PHF7: variants seen among roughly 807,000 people sequenced by gnomAD.
The protein encoded by PHF7 is E3 ubiquitin-protein ligase PHF7.
PHF7 carries 24 observed loss-of-function variants against 47.5 expected under a neutral mutation model. The observed-to-expected ratio is 0.51, with a 90% CI of 0.37 to 0.71. The LOEUF is 0.71. PHF7 is among the 30% of genes least tolerant of loss of function. The probability of loss-of-function intolerance (pLI) is 0.00; values close to 1 mark genes in which losing one functional copy is unlikely to be tolerated. For missense variants in PHF7, 361 were observed against 456.8 expected, an observed-to-expected ratio of 0.79 and a Z score of 1.91; for synonymous variants, 156 against 153.8, an observed-to-expected ratio of 1.01 and a Z score of -0.11.
intron 4 of PHF7, among the ~76,000 whole-genome samples, chr3:52,419,477 T>A (rs1163089049): frequency 2.6e-5 from 4 of 151,184 alleles, no homozygotes; most frequent in Non-Finnish European, 5.9e-5. Context: ...TGGCCCAGGC[T>A]GGAGTGCAGT....
intron 6 of PHF7, 64 bp from the exon 7 acceptor site, chr3:52,420,838 AG>A (rs1483019982): frequency 1.3e-6 from 2 of 1,489,270 alleles, no homozygotes; most frequent in Non-Finnish European, 1.8e-6. Flanking sequence ...TGCCCCTCCT[AG>A]AGCGGGCCAT....
Position 52,420,954 on chromosome 3 carries a change from G to A in PHF7, c.465G>A (p.Val155=). 2 of 1,613,270 alleles carry A rather than the reference G, an allele frequency of 1.2e-6. No homozygotes were observed. Among genetic ancestry groups the A allele is most frequent in the East Asian group, 2.2e-5 (1 of 44,844 alleles). The part of the protein sequence containing the change: ...RPTQNIQHGH[V]GEESCILCCE... The stretch of plus-strand genomic sequence containing the variant: ...CACAGAACATCCAACATGGGCATGT[G>A]GGGGAGGAAAGCTGCATCTTATGTT... Residue 155 remains valine (V), a synonymous_variant, in exon 7 of 11, where the codon GTG becomes GTA. Coordinates refer to ENST00000327906, the MANE Select transcript of PHF7 (RefSeq NM_016483.7).
chr3:52,419,672 C>T (rs1392857605), intron 4 of PHF7, among the ~76,000 whole-genome samples, 161 bp from the exon 5 acceptor site: 1 of 152,086 alleles, frequency 6.6e-6, no homozygotes, highest in Non-Finnish European at 1.5e-5. Context: ...ACCTCGTGAT[C>T]CGCCCGCCTC....
rs201539522 is a variant in PHF7 at position 52,423,087 on chromosome 3, C to CCA, written c.920-3_920-2dup. The CCA allele has an allele frequency of 5.7e-3, 9,082 of 1,600,238 alleles. 71 individuals are homozygous for CCA. Among genetic ancestry groups the CCA allele is most frequent in the South Asian group, 0.023 (2,131 of 90,814 alleles). The stretch of plus-strand genomic sequence containing the variant: ...GTTTTCCTCTCCTGCCTTTCTCTCA[C>CCA]CAGACTACATACCTGAAAACTCAGG... On this transcript the variant is annotated splice_region_variant and splice_polypyrimidine_tract_variant and intron_variant, in intron 10 of 10. Coordinates refer to ENST00000327906, the MANE Select transcript of PHF7 (RefSeq NM_016483.7).
intron 2 of PHF7, among the ~76,000 whole-genome samples, chr3:52,413,268 A>G (rs1705515675): frequency 6.6e-6 from 1 of 152,190 alleles, no homozygotes; most frequent in African/African-American, 2.4e-5. Flanking sequence ...GCTACTGTAG[A>G]TTAATTGAGC....
chr3:52,421,182 A>C (rs1559601985), intron 7 of PHF7, 120 bp downstream of exon 7: 2 of 878,792 alleles, frequency 2.3e-6, no homozygotes, highest in Admixed American at 2.8e-5. Context: ...GGAGGCCTGT[A>C]TTGAGGGCTG....
At chr3:52,414,718 C>A (rs1000004251) in intron 4 of PHF7, 131 bp downstream of exon 4, 9 of 510,690 alleles carry the variant, frequency 1.8e-5, no homozygotes, top group African/African-American at 4.1e-5. Flanking sequence ...GTTTTAAAAT[C>A]TATTTTTAGG....
chr3:52,420,571 A>T (rs949027041), intron 6 of PHF7, 136 bp downstream of exon 6: 4 of 867,120 alleles, frequency 4.6e-6, no homozygotes, highest in Non-Finnish European at 3.7e-6. Flanking sequence ...CAGTAATAAG[A>T]AACAGTGTCT....
chr3:52,422,608 C>T, intron 9 of PHF7, 152 bp from the exon 10 acceptor site: 3 of 818,088 alleles, frequency 3.7e-6, no homozygotes, highest in Non-Finnish European at 6.1e-6. Flanking sequence ...CGACTGATGG[C>T]AGGCTTCTGG....
chr3:52,414,478 G>T lies in PHF7; in HGVS notation c.95-18G>T. ...TAATGGTCAATTTGAGCCAAATTCT[G>T]GGTGTCCTCTCTTCCAGTTTGCTGG... On this transcript the variant is annotated intron_variant, in intron 3 of 10. Coordinates refer to ENST00000327906, the MANE Select transcript of PHF7 (RefSeq NM_016483.7). The T allele has an allele frequency of 6.7e-7, 1 of 1,489,358 alleles. No individual in the cohort carries two copies. The highest frequency in any genetic ancestry group is 1.1e-5 in the South Asian group (1 of 87,722). The allele number at this position is 1,489,358 out of a possible 1,614,324, so 92.3% of individuals were successfully genotyped here. A position where few individuals can be genotyped will look rare whatever the true frequency, so the allele number is the denominator to read the frequency against.
intron 6 of PHF7, 151 bp downstream of exon 6, chr3:52,420,586 T>C (rs1044737492): frequency 1.2e-6 from 1 of 813,266 alleles, no homozygotes; most frequent in African/African-American, 1.7e-5. Flanking sequence ...GTGTCTTGAC[T>C]TGGAGATTTC....
At chr3:52,412,784 C>T in intron 1 of PHF7, 27 bp from the exon 2 acceptor site, 1 of 1,034,172 alleles carries the variant, frequency 9.7e-7, no homozygotes, top group Non-Finnish European at 1.5e-6. Context: ...AATTAAATTG[C>T]TTACCAAACC....
chr3:52,414,912 C>T (rs1705576512), intron 4 of PHF7: 1 of 160,286 alleles, frequency 6.2e-6, no homozygotes, highest in African/African-American at 2.4e-5. Flanking sequence ...AAGAGGATCG[C>T]TTGAACCCTG....
rs1470152258 is a variant in PHF7, at chr3:52,414,023, C to T, written c.69C>T (p.Thr23=). 2 of 1,611,506 alleles carry T rather than the reference C, an allele frequency of 1.2e-6. No homozygotes were observed. Among genetic ancestry groups the T allele is most frequent in the South Asian group, 1.1e-5 (1 of 90,994 alleles). The change falls in exon 3 of 11, where the codon ACC becomes ACT. Residue 23 remains threonine (T), a synonymous_variant. Transcript: ENST00000327906. ...LRKSAKTRRV[T]QRKPSSGPVC... ...AATCTGCCAAGACTAGGAGGGTAAC[C>T]CAGAGGAAACCGTCTTCAGGGCCTG...
Position 52,420,282 on chromosome 3 carries a change from C to T in PHF7, c.289-29C>T, listed in dbSNP as rs746468069. The T allele has an allele frequency of 3.1e-6, 5 of 1,612,576 alleles. No individual in the cohort carries two copies. The East Asian group carries it at 1.1e-4, about 36-fold the overall frequency. ...GTGTGTGTTTGCATTTCTTGGGGTC[C>T]TGAGCACTGTCTGGGAACTCATTTG... On this transcript the variant is annotated intron_variant, in intron 5 of 10. Coordinates refer to ENST00000327906, the MANE Select transcript of PHF7 (RefSeq NM_016483.7).
At chr3:52,411,365 CT>C (rs1559595798) in intron 1 of PHF7, 118 bp downstream of exon 1, 1 of 152,364 alleles carries the variant, frequency 6.6e-6, no homozygotes, top group Non-Finnish European at 1.5e-5. Flanking sequence ...TCTCTCTCCT[CT>C]TCCAGCCTGT....
At chr3:52,419,474 G>T (rs1421055153) in intron 4 of PHF7, among the ~76,000 whole-genome samples, 1 of 148,400 alleles carries the variant, frequency 6.7e-6, no homozygotes, top group African/African-American at 2.5e-5. Flanking sequence ...CTGTGGCCCA[G>T]GCTGGAGTGC....
intron 6 of PHF7, 36 bp downstream of exon 6, chr3:52,420,471 T>G (rs1319732052): frequency 6.2e-7 from 1 of 1,610,236 alleles, no homozygotes; most frequent in Admixed American, 1.7e-5. Context: ...GCTTCCTTTT[T>G]GCAACTTATT....
intron 4 of PHF7, among the ~76,000 whole-genome samples, chr3:52,416,567 G>A (rs1705632461): frequency 2.0e-5 from 3 of 150,546 alleles, no homozygotes; most frequent in African/African-American, 7.3e-5. Flanking sequence ...GGGCACAGTG[G>A]CTCACGCCTG....
Sources: gnomAD v4.1 joint callset for allele counts (sites outside exome capture counted in the v4.1 genomes callset) on GRCh38, gnomAD v4.1.1 for gene constraint, MANE v1.5 for transcripts, NCBI Gene and HGNC (gene_info 2026-07-23, HGNC 2026-07-21) for gene names.